Variants in RS1 observed in about 807,000 individuals in gnomAD.
RS1 encodes the protein retinoschisin 1.
RS1 carries 2 observed loss-of-function variants against 20.8 expected under a neutral mutation model. The ratio of observed to expected loss-of-function variants is 0.10; its 90% CI spans 0.04 to 0.30. The LOEUF is 0.30. Among genes scored for constraint, RS1 ranks in the 10% least tolerant of loss-of-function variants. RS1 has a pLI of 1.00. For missense variants in RS1, 151 were observed against 189.8 expected, an observed-to-expected ratio of 0.80 and a Z score of 1.20; for synonymous variants, 70 against 75.8, an observed-to-expected ratio of 0.92 and a Z score of 0.40.
chrX:18,657,891 G>A (rs1304762911), intron 1 of RS1, among the ~76,000 whole-genome samples: 2 of 111,746 alleles, frequency 1.8e-5, no homozygotes, highest in Non-Finnish European at 3.8e-5. Flanking sequence ...TCATTATAGG[G>A]CCGGTGCAGC....
At chrX:18,651,220 AGTGTGTGT>A (rs3838188) in intron 3 of RS1, among the ~76,000 whole-genome samples, 34 of 65,177 alleles carry the variant, frequency 5.2e-4, no homozygotes, top group African/African-American at 1.4e-3. Context: ...GGCAGGAGCA[AGTGTGTGT>A]GTGTGTGTGT....
rs1459039563 is a variant in RS1 at position 18,641,453 on chromosome X, G to A, written c.*551C>T. Reference sequence around the variant, plus strand: ...GTCACGTATAGCCTCTCAGGGCACCGGGATTCTCACCCACCGCACTCATCC... The same window carrying A: ...GTCACGTATAGCCTCTCAGGGCACCAGGATTCTCACCCACCGCACTCATCC... On this transcript the variant is annotated 3_prime_UTR_variant, in exon 6 of 6. Transcript: ENST00000379984. 8.5e-6 allele frequency: 1 copy of A among 117,731 alleles called. No individual in the cohort carries two copies. Among genetic ancestry groups the A allele is most frequent in the African/African-American group, 3.3e-5 (1 of 30,497 alleles). The allele number at this position is 117,731 out of a possible 1,213,427, so 9.7% of individuals were successfully genotyped here.
chrX:18,641,796 C>G lies in RS1; in HGVS notation c.*208G>C, dbSNP rs932342803. Reference sequence around the variant, plus strand: ...GGGACATTTTCTTTGTTCTGACTTTCTCTGGCCCTGAGTGGGGAATAAGTT... The same window carrying G: ...GGGACATTTTCTTTGTTCTGACTTTGTCTGGCCCTGAGTGGGGAATAAGTT... On this transcript the variant is annotated 3_prime_UTR_variant, in exon 6 of 6. Transcript: ENST00000379984. 12 of 427,306 alleles carry G rather than the reference C, an allele frequency of 2.8e-5. No individual in the cohort carries two copies. Among genetic ancestry groups the G allele is most frequent in the Non-Finnish European group, 4.8e-5 (12 of 247,623 alleles). The allele number at this position is 427,306 out of a possible 1,213,427, so 35.2% of individuals were successfully genotyped here.
rs1176864618 is a variant in RS1, at chrX:18,640,289, C to G, written c.*1715G>C. 1 of 110,740 alleles carries G rather than the reference C, an allele frequency of 9.0e-6. No individual in the cohort carries two copies. The highest frequency in any genetic ancestry group is 1.9e-5 in the Non-Finnish European group (1 of 52,944). The allele number at this position is 110,740 out of a possible 1,213,427, so 9.1% of individuals were successfully genotyped here. On this transcript the variant is annotated 3_prime_UTR_variant, in exon 6 of 6. Coordinates refer to ENST00000379984, the MANE Select transcript of RS1 (RefSeq NM_000330.4). Reference sequence around the variant, plus strand: ...CTCTCGACTCCTGTGTTTGATGTGCCTTAACTCTTAGGATACTGCCATTTT... The same window carrying G: ...CTCTCGACTCCTGTGTTTGATGTGCGTTAACTCTTAGGATACTGCCATTTT...
At chrX:18,664,563 G>A (rs1460031807) in intron 1 of RS1, among the ~76,000 whole-genome samples, 1 of 111,072 alleles carries the variant, frequency 9.0e-6, no homozygotes, top group Non-Finnish European at 1.9e-5. Flanking sequence ...GGGAGGCGGA[G>A]GTTGCAGTGA....
chrX:18,645,878 C>T lies in RS1; in HGVS notation c.327-1253G>A. 5 of 1,077,960 alleles carry T rather than the reference C, an allele frequency of 4.6e-6. No individual in the cohort carries two copies. The South Asian group carries it at 7.9e-5, about 17-fold the overall frequency. The allele number at this position is 1,077,960 out of a possible 1,213,427, so 88.8% of individuals were successfully genotyped here. On this transcript the variant is annotated intron_variant, in intron 4 of 5. Transcript: ENST00000379984. ...TGGCATTTCCTAGTCTCCCTTGCAA[C>T]TAGATGGGGCCCCCTAACCAAACTC...
chrX:18,670,822 G>A (rs1928480762), intron 1 of RS1, among the ~76,000 whole-genome samples: 1 of 111,697 alleles, frequency 9.0e-6, no homozygotes, highest in African/African-American at 3.3e-5. Context: ...TAATTGCAAG[G>A]GGAAAAAATC....
Position 18,656,744 on chromosome X carries a change from G to T in RS1, c.93C>A (p.Asp31Glu), listed in dbSNP as rs961848861. ...ACTTGCATGCTTTTTGGTACCAGGG[G>T]TCCTCGCCTTCATCCTGCAGCCAAC... ...GLSSTEDEGE[D>E]PWYQKACKCD... Residue 31 changes from aspartate (D) to glutamate (E), a missense_variant, in exon 3 of 6, where the codon GAC becomes GAA. Physicochemically the swap from Asp to Glu is conservative, Grantham distance 45. Coordinates refer to ENST00000379984, the MANE Select transcript of RS1 (RefSeq NM_000330.4). The T allele has an allele frequency of 8.3e-7, 1 of 1,210,168 alleles. No homozygotes were observed. Among genetic ancestry groups the T allele is most frequent in the South Asian group, 1.8e-5 (1 of 56,952 alleles).
chrX:18,655,987 T>C (rs1251819799), intron 3 of RS1, among the ~76,000 whole-genome samples: 1 of 17,512 alleles, frequency 5.7e-5, no homozygotes, highest in African/African-American at 2.0e-4. Context: ...TTTCTTTTCC[T>C]TTTTTTTTTT....
At chrX:18,656,795 G>A (rs751063120) in intron 2 of RS1, 37 bp from the exon 3 acceptor site, 33 of 1,105,043 alleles carry the variant, frequency 3.0e-5, no homozygotes, top group Non-Finnish European at 3.8e-5. Flanking sequence ...GAAAAGTCAC[G>A]GTCAAAGGCA....
intron 3 of RS1, among the ~76,000 whole-genome samples, chrX:18,649,866 A>G (rs1245742236): frequency 8.9e-6 from 1 of 111,953 alleles, no homozygotes; most frequent in African/African-American, 3.2e-5. Flanking sequence ...GAGGGGCACA[A>G]GGCCAGGTGG....
chrX:18,666,764 A>G (rs1928411134), intron 1 of RS1, among the ~76,000 whole-genome samples: 1 of 110,688 alleles, frequency 9.0e-6, no homozygotes, highest in Non-Finnish European at 1.9e-5. Context: ...AGTAGTGCCC[A>G]CAGGATCTGC....
At chrX:18,644,104 C>T (rs948879539) in intron 5 of RS1, among the ~76,000 whole-genome samples, 30 of 111,903 alleles carry the variant, frequency 2.7e-4, no homozygotes, top group Non-Finnish European at 1.1e-4. Flanking sequence ...AGACCATACC[C>T]GTGAAGCAAA....
chrX:18,657,268 T>C (rs1399109524), intron 2 of RS1, among the ~76,000 whole-genome samples: 1 of 89,240 alleles, frequency 1.1e-5, no homozygotes, highest in Non-Finnish European at 2.1e-5. Context: ...TCACCCAGGC[T>C]GGAGTGCAGT....
chrX:18,647,940 A>C (rs763299774), intron 3 of RS1, among the ~76,000 whole-genome samples: 1 of 111,760 alleles, frequency 8.9e-6, no homozygotes, highest in Non-Finnish European at 1.9e-5. Flanking sequence ...TGAGTGAGAA[A>C]CAGCTAAAAG....
At chrX:18,647,757 C>G (rs748440292) in intron 3 of RS1, 2 of 161,628 alleles carry the variant, frequency 1.2e-5, no homozygotes, top group Non-Finnish European at 2.4e-5. Context: ...GACGTCAGGT[C>G]TCTTGTTGTC....
At chrX:18,655,978 T>C (rs1039827565) in intron 3 of RS1, among the ~76,000 whole-genome samples, 1 of 101,732 alleles carries the variant, frequency 9.8e-6, no homozygotes, top group Non-Finnish European at 2.0e-5. Flanking sequence ...TTCTTTTCTT[T>C]TCTTTTCCTT....
Position 18,641,889 on chromosome X carries a change from A to C in RS1, c.*115T>G. 1 of 765,996 alleles carries C rather than the reference A, an allele frequency of 1.3e-6. No individual in the cohort carries two copies. The highest frequency in any genetic ancestry group is 2.1e-5 in the South Asian group (1 of 46,769). The allele number at this position is 765,996 out of a possible 1,213,427, so 63.1% of individuals were successfully genotyped here. Reference sequence around the variant, plus strand: ...AAAAAAATTATCTACCCAGCACTGCAGTTACAATTGCTTTGCGAAATATAG... The same window carrying C: ...AAAAAAATTATCTACCCAGCACTGCCGTTACAATTGCTTTGCGAAATATAG... On this transcript the variant is annotated 3_prime_UTR_variant, in exon 6 of 6. Transcript: ENST00000379984.
chrX:18,653,625 A>G, intron 3 of RS1: 6 of 1,100,741 alleles, frequency 5.5e-6, no homozygotes, highest in Non-Finnish European at 7.4e-6. Flanking sequence ...TGAATCAACC[A>G]TTAACGCTGA....
Sources: gnomAD v4.1 joint callset for allele counts (sites outside exome capture counted in the v4.1 genomes callset) on GRCh38, gnomAD v4.1.1 for gene constraint, MANE v1.5 for transcripts, NCBI Gene and HGNC (gene_info 2026-07-23, HGNC 2026-07-21) for gene names.